Variants in ST8SIA6 observed in about 807,000 individuals in gnomAD.
The protein encoded by ST8SIA6 is alpha-2,8-sialyltransferase 8F.
Under a neutral mutation model 33.6 loss-of-function variants are expected in ST8SIA6, and 39 were observed. The observed-to-expected ratio is 1.16, with a 90% CI of 0.90 to 1.52. The LOEUF (loss-of-function observed/expected upper bound fraction) is 1.52, where lower values mean the gene tolerates loss of function less well. Ranked by LOEUF, ST8SIA6 falls within the 40% of genes most tolerant of loss-of-function variation. The probability of loss-of-function intolerance (pLI) is 0.00; values close to 1 mark genes in which losing one functional copy is unlikely to be tolerated. For missense variants in ST8SIA6, 441 were observed against 443.8 expected (o/e 0.99, Z 0.06); for synonymous variants, 172 against 167.2 (o/e 1.03, Z -0.22).
At chr10:17,374,963 G>A (rs1849862646) in intron 3 of ST8SIA6, among the ~76,000 whole-genome samples, 1 of 151,318 alleles carries the variant, frequency 6.6e-6, no homozygotes, top group Non-Finnish European at 1.5e-5. Context: ...TTGAGACAGG[G>A]TCTCACTCTG....
intron 2 of ST8SIA6, chr10:17,408,099 C>G (rs1851332727): frequency 6.6e-6 from 1 of 152,526 alleles, no homozygotes; most frequent in South Asian, 2.1e-4. Flanking sequence ...GAGAGTAACC[C>G]CCATCCATCA....
rs537391244 is a variant in ST8SIA6 at position 17,381,034 on chromosome 10, T to G, written c.290+9497A>C. 4.3e-3 allele frequency among the ~76,000 whole-genome samples: 350 copies of G among 80,484 alleles called. 2 individuals carry two copies. Among genetic ancestry groups the G allele is most frequent in the African/African-American group, 0.015 (335 of 22,828 alleles). 52.8% of individuals were successfully genotyped at this position (80,484 alleles called of 152,430 possible). A position where few individuals can be genotyped will look rare whatever the true frequency, so the allele number is the denominator to read the frequency against. On this transcript the variant is annotated intron_variant, in intron 3 of 7. Transcript: ENST00000377602. ...ATTTTGTCTTTTTTTGAGCAAAAGT[T>G]TTTTTTTTTCTTTATCTTCTCAGTT...
intron 2 of ST8SIA6, among the ~76,000 whole-genome samples, chr10:17,399,710 A>G (rs1355391567): frequency 1.3e-5 from 2 of 151,760 alleles, no homozygotes; most frequent in Non-Finnish European, 2.9e-5. Context: ...TGAGCCTAGG[A>G]GTTTGAGACC....
chr10:17,416,283 C>T (rs534499573), intron 2 of ST8SIA6, among the ~76,000 whole-genome samples: 67 of 152,270 alleles, frequency 4.4e-4, no homozygotes, highest in Non-Finnish European at 9.0e-4. Flanking sequence ...TACCCTAGAA[C>T]TTGCTCCTAG....
At chr10:17,341,629 G>C (rs147334599) in intron 4 of ST8SIA6, among the ~76,000 whole-genome samples, 1 of 152,022 alleles carries the variant, frequency 6.6e-6, no homozygotes, top group African/African-American at 2.4e-5. Context: ...GGCCAGGTGC[G>C]GTGGCTTATG....
At chr10:17,427,271 A>G (rs1851968952) in intron 2 of ST8SIA6, among the ~76,000 whole-genome samples, 1 of 152,170 alleles carries the variant, frequency 6.6e-6, no homozygotes, top group South Asian at 2.1e-4. Context: ...ATTAGGAGGG[A>G]CTGGGTTTCA....
chr10:17,346,605 C>G (rs899044937), intron 4 of ST8SIA6, among the ~76,000 whole-genome samples: 1 of 151,998 alleles, frequency 6.6e-6, no homozygotes, highest in East Asian at 1.9e-4. Context: ...AAAACAGTAA[C>G]AACAACAACA....
intron 2 of ST8SIA6, among the ~76,000 whole-genome samples, chr10:17,448,258 G>A (rs76160053): frequency 0.012 from 1,786 of 152,248 alleles, 25 homozygotes; most frequent in African/African-American, 0.032. Flanking sequence ...GAGGTCCCCC[G>A]TCTCTGGTAA....
At chr10:17,390,090 A>G (rs918102802) in intron 3 of ST8SIA6, among the ~76,000 whole-genome samples, 1 of 152,156 alleles carries the variant, frequency 6.6e-6, no homozygotes, top group Non-Finnish European at 1.5e-5. Flanking sequence ...CCTGGGTTCA[A>G]ACGATCCTCC....
At chr10:17,412,539 G>T (rs1372321810) in intron 2 of ST8SIA6, among the ~76,000 whole-genome samples, 1 of 152,146 alleles carries the variant, frequency 6.6e-6, no homozygotes, top group Non-Finnish European at 1.5e-5. Context: ...GCTCCACTTG[G>T]CTGCCCTCTA....
intron 4 of ST8SIA6, among the ~76,000 whole-genome samples, chr10:17,338,565 G>A (rs965680473): frequency 6.6e-6 from 1 of 152,152 alleles, no homozygotes; most frequent in African/African-American, 2.4e-5. Context: ...AGTAATGCTG[G>A]TAGCGTCTTG....
At chr10:17,321,448 G>A (rs1454562821) in intron 7 of ST8SIA6, 102 bp from the exon 8 acceptor site, 17 of 912,386 alleles carry the variant, frequency 1.9e-5, no homozygotes, top group Admixed American at 5.7e-5. Flanking sequence ...AACACTGAAC[G>A]ATTTGTATAC....
chr10:17,426,243 A>G (rs530558666), intron 2 of ST8SIA6, among the ~76,000 whole-genome samples: 3 of 151,994 alleles, frequency 2.0e-5, no homozygotes, highest in South Asian at 2.1e-4. Context: ...ATTGCCATCC[A>G]TCTCCTTATC....
At chr10:17,420,885 G>C (rs1261146710) in intron 2 of ST8SIA6, among the ~76,000 whole-genome samples, 2 of 152,216 alleles carry the variant, frequency 1.3e-5, no homozygotes, top group South Asian at 2.1e-4. Context: ...CAAAGGGAAA[G>C]CTGGCACATC....
At chr10:17,356,301 A>G (rs1008873290) in intron 4 of ST8SIA6, among the ~76,000 whole-genome samples, 1 of 152,158 alleles carries the variant, frequency 6.6e-6, no homozygotes, top group African/African-American at 2.4e-5. Context: ...GAACATTACA[A>G]TATAATAAAT....
chr10:17,397,791 G>T (rs1850869876), intron 2 of ST8SIA6, among the ~76,000 whole-genome samples: 1 of 152,080 alleles, frequency 6.6e-6, no homozygotes, highest in Non-Finnish European at 1.5e-5. Context: ...CTTTAGGCAT[G>T]TTTTCATCAC....
chr10:17,383,318 A>C (rs1022016238), intron 3 of ST8SIA6, among the ~76,000 whole-genome samples: 1 of 152,208 alleles, frequency 6.6e-6, no homozygotes, highest in African/African-American at 2.4e-5. Context: ...AGTCCAAAAA[A>C]TGACATAATT....
chr10:17,422,650 A>G (rs1851814534), intron 2 of ST8SIA6, among the ~76,000 whole-genome samples: 1 of 152,226 alleles, frequency 6.6e-6, no homozygotes, highest in Non-Finnish European at 1.5e-5. Context: ...CTAAACACTT[A>G]GTGAAACGGA....
chr10:17,379,558 T>G (rs1245387091), intron 3 of ST8SIA6, among the ~76,000 whole-genome samples: 2 of 152,220 alleles, frequency 1.3e-5, no homozygotes, highest in Non-Finnish European at 2.9e-5. Context: ...CATATCTGAT[T>G]GCCTCCATTG....
Sources: gnomAD v4.1 joint callset for allele counts (sites outside exome capture counted in the v4.1 genomes callset) on GRCh38, gnomAD v4.1.1 for gene constraint, MANE v1.5 for transcripts, NCBI Gene and HGNC (gene_info 2026-07-23, HGNC 2026-07-21) for gene names.